CHD6: variants seen among roughly 807,000 people sequenced by gnomAD.
CHD6 encodes ATP-dependent chromatin remodeler CHD6.
A neutral mutation model predicts 276.9 loss-of-function variants in CHD6; 50 were observed. That is an observed-to-expected ratio of 0.18 (90% confidence interval 0.14 to 0.23). The LOEUF (loss-of-function observed/expected upper bound fraction) is 0.23. Ranked by LOEUF, CHD6 falls within the 10% of genes least tolerant of loss-of-function variation. CHD6 has a pLI of 1.00. For missense variants in CHD6, 2,564 were observed against 3,365.8 expected (o/e 0.76, Z 5.89); for synonymous variants, 1,173 against 1,229.3 (o/e 0.95, Z 0.96).
chr20:41,416,731 A>G lies in CHD6; in HGVS notation c.6343T>C (p.Ser2115Pro), dbSNP rs1342957741. Reference sequence around the variant, plus strand: ...CCTGAGGGCTCATACTGCTGGCTAGAGGGCCACTTCCCCTTTAACACCACG... The same window carrying G: ...CCTGAGGGCTCATACTGCTGGCTAGGGGGCCACTTCCCCTTTAACACCACG... The part of the protein sequence containing the change: ...CHVVLKGKWP[S>P]SQQYEPSGTL... Residue 2115 changes from serine to proline, a missense_variant, in exon 33 of 37, where the codon TCT becomes CCT. Ser to Pro is a moderately conservative substitution (Grantham distance 74). Coordinates refer to ENST00000373233, the MANE Select transcript of CHD6 (RefSeq NM_032221.5). The G allele has an allele frequency of 6.2e-7, 1 of 1,612,996 alleles. No individual in the cohort carries two copies. The highest frequency in any genetic ancestry group is 1.1e-5 in the South Asian group (1 of 90,974).
chr20:41,403,692 A>C lies in CHD6; in HGVS notation c.*901T>G. On this transcript the variant is annotated 3_prime_UTR_variant, in exon 37 of 37. Transcript: ENST00000373233. The stretch of plus-strand genomic sequence containing the variant: ...TGGTGAAGGAAAGCCTGAAGTGAAA[A>C]TCCATTCGGTCCTGGTGCTCTTTAA... 1 of 1,058,812 alleles carries C rather than the reference A, an allele frequency of 9.4e-7. No individual in the cohort carries two copies. The highest frequency in any genetic ancestry group is 1.1e-6 in the Non-Finnish European group (1 of 875,264). The allele number at this position is 1,058,812 out of a possible 1,614,324, so 65.6% of individuals were successfully genotyped here. A position where few individuals can be genotyped will look rare whatever the true frequency, so the allele number is the denominator to read the frequency against.
At chr20:41,527,246 G>A (rs757007162) in intron 3 of CHD6, among the ~76,000 whole-genome samples, 12 of 151,920 alleles carry the variant, frequency 7.9e-5, no homozygotes, top group Non-Finnish European at 1.8e-4. Flanking sequence ...AGACCAGCCC[G>A]GCCAACATAG....
At chr20:41,428,664 C>T (rs2047439770) in intron 27 of CHD6, among the ~76,000 whole-genome samples, 1 of 152,082 alleles carries the variant, frequency 6.6e-6, no homozygotes, top group Non-Finnish European at 1.5e-5. Flanking sequence ...TGGAGAATGG[C>T]ATAAACTTCA....
chr20:41,576,399 A>G (rs966565676), intron 1 of CHD6, among the ~76,000 whole-genome samples: 5 of 152,236 alleles, frequency 3.3e-5, no homozygotes, highest in Admixed American at 6.5e-5. Flanking sequence ...GAAACTTCAA[A>G]CACAGGCCAG....
chr20:41,420,843 G>A lies in CHD6; in HGVS notation c.5792C>T (p.Pro1931Leu). ...GTGGCACTGACAGGCTGCTGGAGCGGGGAAAGCCCTCTGTAGCCCAGGAGT... is the reference window on the plus strand; with the variant it reads ...GTGGCACTGACAGGCTGCTGGAGCGAGGAAAGCCCTCTGTAGCCCAGGAGT... ...NQTPGLQRAFPAPAACQCHCK... is the reference protein window; with the variant it reads ...NQTPGLQRAFLAPAACQCHCK... The change falls in exon 31 of 37, where the codon CCC (proline) becomes CTC (leucine). Residue 1931 changes from proline (P) to leucine (L), a missense_variant. Coordinates refer to ENST00000373233, the MANE Select transcript of CHD6 (RefSeq NM_032221.5). The A allele has an allele frequency of 6.2e-7, 1 of 1,614,172 alleles. No individual in the cohort carries two copies. The highest frequency in any genetic ancestry group is 8.5e-7 in the Non-Finnish European group (1 of 1,180,046).
chr20:41,444,542 A>G (rs952862262), intron 25 of CHD6, among the ~76,000 whole-genome samples: 3 of 152,216 alleles, frequency 2.0e-5, no homozygotes, highest in Admixed American at 6.5e-5. Flanking sequence ...TCTCAATACC[A>G]GTATCCAAGT....
Position 41,537,480 on chromosome 20 carries a change from G to A in CHD6, c.34-3910C>T, listed in dbSNP as rs140406800. 2.0e-5 allele frequency among the ~76,000 whole-genome samples: 3 copies of A among 152,278 alleles called. No individual in the cohort carries two copies. The East Asian group carries it at 5.8e-4, about 29-fold the overall frequency. On this transcript the variant is annotated intron_variant, in intron 2 of 36. Coordinates refer to ENST00000373233, the MANE Select transcript of CHD6 (RefSeq NM_032221.5). The stretch of plus-strand genomic sequence containing the variant: ...ACACCATTTTAAATAAGGGACTTGA[G>A]CATCCTCAGATTTTGGTATTCATGT...
rs570251491 is a variant in CHD6 at position 41,547,822 on chromosome 20, G to T, written c.33+3483C>A. ...TCTGGAACTATTAAAGAGCTCCTGG[G>T]GACTGACTACTGCCCAGTCTGTGTC... On this transcript the variant is annotated intron_variant, in intron 2 of 36. Transcript: ENST00000373233. The T allele has an allele frequency of 9.2e-4, 442 of 480,966 alleles. 6 individuals carry two copies. Among genetic ancestry groups the T allele is most frequent in the South Asian group, 7.0e-3 (434 of 62,160 alleles). 29.8% of individuals were successfully genotyped at this position (480,966 alleles called of 1,614,324 possible).
At chr20:41,591,824 G>C (rs1430897071) in intron 1 of CHD6, among the ~76,000 whole-genome samples, 1 of 152,186 alleles carries the variant, frequency 6.6e-6, no homozygotes, top group African/African-American at 2.4e-5. Flanking sequence ...TCAAGGCTGG[G>C]CGCAGTGGCT....
chr20:41,441,674 T>G (rs935471298), intron 25 of CHD6, among the ~76,000 whole-genome samples: 2 of 151,266 alleles, frequency 1.3e-5, no homozygotes, highest in Non-Finnish European at 3.0e-5. Flanking sequence ...TAGAGACAGA[T>G]TCAGTATTTT....
intron 1 of CHD6, among the ~76,000 whole-genome samples, chr20:41,599,793 C>T (rs749303147): frequency 1.8e-4 from 27 of 152,196 alleles, no homozygotes; most frequent in Admixed American, 8.5e-4. Context: ...ACTAGCAAAT[C>T]TCTGACTCTG....
In CHD6 at chr20:41,493,852, A is replaced by G; in HGVS notation, c.1179+6T>C. ...GGAAGATGCTTCAGGAGAGGCAAAT[A>G]CCCACCTCCCCTGTTTCTGCATCCT... On this transcript the variant is annotated splice_donor_region_variant and intron_variant, in intron 9 of 36. Transcript: ENST00000373233. The G allele has an allele frequency of 6.2e-7, 1 of 1,612,038 alleles. No individual in the cohort carries two copies.
intron 1 of CHD6, among the ~76,000 whole-genome samples, chr20:41,555,423 T>C (rs2045216652): frequency 7.1e-6 from 1 of 141,340 alleles, no homozygotes; most frequent in African/African-American, 2.7e-5. Context: ...GACCCCCACC[T>C]CCCTCCCGGA....
chr20:41,581,833 G>C (rs1394520346), intron 1 of CHD6, among the ~76,000 whole-genome samples: 1 of 152,228 alleles, frequency 6.6e-6, no homozygotes, highest in Admixed American at 6.5e-5. Flanking sequence ...CATTGTGCTA[G>C]TAGTAAAGGG....
intron 25 of CHD6, among the ~76,000 whole-genome samples, chr20:41,444,200 C>A (rs1569084011): frequency 6.6e-6 from 1 of 152,184 alleles, no homozygotes; most frequent in Non-Finnish European, 1.5e-5. Flanking sequence ...GGTTGCACTG[C>A]GGTACCTTGT....
intron 1 of CHD6, among the ~76,000 whole-genome samples, chr20:41,571,309 A>C (rs2045413319): frequency 6.6e-6 from 1 of 152,178 alleles, no homozygotes; most frequent in African/African-American, 2.4e-5. Flanking sequence ...AATGACAGCA[A>C]AATGAAGAAG....
At chr20:41,583,054 G>A (rs2045557418) in intron 1 of CHD6, among the ~76,000 whole-genome samples, 1 of 152,126 alleles carries the variant, frequency 6.6e-6, no homozygotes, top group Admixed American at 6.6e-5. Context: ...AGGGGATAGA[G>A]GGACTGACGC....
chr20:41,489,693 G>A, intron 12 of CHD6, 85 bp downstream of exon 12: 3 of 1,529,652 alleles, frequency 2.0e-6, no homozygotes, highest in African/African-American at 1.4e-5. Context: ...AAGATGCAGG[G>A]CACTGGAACT....
chr20:41,547,761 C>T (rs1207957513), intron 2 of CHD6: 4 of 538,336 alleles, frequency 7.4e-6, no homozygotes, highest in East Asian at 5.0e-5. Context: ...CAACACTGCT[C>T]GACAGATGCA....
Sources: allele counts gnomAD v4.1 joint callset (sites outside exome capture counted in the v4.1 genomes callset), GRCh38; gene constraint gnomAD v4.1.1; transcripts MANE v1.5; gene names NCBI Gene and HGNC (gene_info 2026-07-23, HGNC 2026-07-21).